The following KIAA1328 variants were observed in gnomAD, a reference collection of about 807,000 sequenced individuals.
KIAA1328 encodes the protein KIAA1328.
Under a neutral mutation model 68.1 loss-of-function variants are expected in KIAA1328, and 52 were observed. That is an observed-to-expected ratio of 0.76 (90% CI 0.61 to 0.96). The LOEUF is 0.96. Ranked by LOEUF, KIAA1328 falls within the 40% of genes least tolerant of loss-of-function variation. KIAA1328 has a pLI of 0.00. For missense variants in KIAA1328, 641 were observed against 677.6 expected (o/e 0.95, Z 0.60); for synonymous variants, 232 against 239.4 (o/e 0.97, Z 0.28).
chr18:36,914,012 A>C (rs2049581096), intron 5 of KIAA1328, among the ~76,000 whole-genome samples: 1 of 152,312 alleles, frequency 6.6e-6, no homozygotes, highest in East Asian at 1.9e-4. Context: ...GGATGCTGTC[A>C]TGTGGTAATC....
intron 6 of KIAA1328, among the ~76,000 whole-genome samples, chr18:37,031,498 T>G (rs1385705704): frequency 6.6e-6 from 1 of 152,202 alleles, no homozygotes; most frequent in Non-Finnish European, 1.5e-5. Context: ...TTTTTTATAA[T>G]TAGTATTTGT....
At position 37,155,550 on chromosome 18, in the gene KIAA1328, C is replaced by A. The variant is rs536565172; in HGVS notation, c.1233-4650C>A. Among the ~76,000 whole-genome samples, 7 of 152,318 alleles carry A rather than the reference C, an allele frequency of 4.6e-5. No individual in the cohort carries two copies. The South Asian group carries it at 1.5e-3, about 32-fold the overall frequency. On this transcript the variant is annotated intron_variant, in intron 7 of 9. Coordinates refer to ENST00000280020, the MANE Select transcript of KIAA1328 (RefSeq NM_020776.3). ...CCTACTACCGCTTCTCTATTGCAAA[C>A]CTTCATCTCTCACCAGAGCTGTTTC...
intron 6 of KIAA1328, among the ~76,000 whole-genome samples, chr18:37,027,953 T>C (rs1189502984): frequency 6.6e-6 from 1 of 152,014 alleles, no homozygotes; most frequent in African/African-American, 2.4e-5. Context: ...ATTTCTGCAA[T>C]CTACTCATCT....
intron 4 of KIAA1328, among the ~76,000 whole-genome samples, chr18:36,863,264 T>C (rs1046255842): frequency 6.6e-5 from 10 of 151,968 alleles, no homozygotes; most frequent in Middle Eastern, 3.2e-3. Flanking sequence ...TTTTTTTTTT[T>C]CCCCAATTGA....
chr18:37,055,676 A>G (rs992220088), intron 6 of KIAA1328, among the ~76,000 whole-genome samples: 3 of 152,202 alleles, frequency 2.0e-5, no homozygotes, highest in African/African-American at 7.2e-5. Context: ...ATGCTCTGGG[A>G]GATACAACGA....
chr18:37,077,872 A>T (rs1000201360), intron 7 of KIAA1328, among the ~76,000 whole-genome samples: 1 of 151,944 alleles, frequency 6.6e-6, no homozygotes, highest in African/African-American at 2.4e-5. Context: ...ATGGGTAGGA[A>T]GAATCAATAT....
At chr18:36,834,067 T>C (rs1301139455) in intron 1 of KIAA1328, 4 of 467,218 alleles carry the variant, frequency 8.6e-6, no homozygotes, top group Non-Finnish European at 1.3e-5. Context: ...CCAAGATTTT[T>C]ATAAGATGTG....
intron 9 of KIAA1328, among the ~76,000 whole-genome samples, chr18:37,178,549 T>G (rs1189654488): frequency 6.6e-6 from 1 of 152,164 alleles, no homozygotes; most frequent in Non-Finnish European, 1.5e-5. Context: ...AAACATGAAG[T>G]GTAGATATCT....
At chr18:36,946,600 G>A (rs1306149324) in intron 5 of KIAA1328, 1 of 152,136 alleles carries the variant, frequency 6.6e-6, no homozygotes, top group East Asian at 1.9e-4. Flanking sequence ...TCACTGCTAG[G>A]TTATCCTTGG....
rs867412676 is a variant in KIAA1328, at chr18:37,063,627, C to T, written c.577-3263C>T. On this transcript the variant is annotated intron_variant, in intron 6 of 9. Transcript: ENST00000280020. ...CTGCCTATTACACATGCACAGTAAC[C>T]AAGCAGGTAATTGACAGAGCATTGC... 4 of 985,208 alleles carry T rather than the reference C, an allele frequency of 4.1e-6. No homozygotes were observed. The African/African-American group carries it at 5.2e-5, about 13-fold the overall frequency. 61.0% of individuals were successfully genotyped at this position (985,208 alleles called of 1,614,324 possible).
chr18:36,829,529 C>G, intron 1 of KIAA1328: 1 of 976,972 alleles, frequency 1.0e-6, no homozygotes, highest in Non-Finnish European at 1.3e-6. Flanking sequence ...GTCAGAGTGC[C>G]CCCAGGCTGA....
Position 37,224,783 on chromosome 18 carries a change from C to T in KIAA1328, c.*2556C>T. On this transcript the variant is annotated 3_prime_UTR_variant, in exon 10 of 10. Coordinates refer to ENST00000280020, the MANE Select transcript of KIAA1328 (RefSeq NM_020776.3). ...ACACTTCCCAAAGCAAGACTGGACA[C>T]ATGCCGAGGGCGTTGCGGATAGTGC... is the stretch of plus-strand genomic sequence containing the variant. 1.0e-6 allele frequency: 1 copy of T among 985,390 alleles called. No individual in the cohort carries two copies. Among genetic ancestry groups the T allele is most frequent in the Non-Finnish European group, 1.2e-6 (1 of 829,932 alleles). The allele number at this position is 985,390 out of a possible 1,614,324, so 61.0% of individuals were successfully genotyped here. A position where few individuals can be genotyped will look rare whatever the true frequency, so the allele number is the denominator to read the frequency against.
chr18:37,225,388 C>A, downstream of KIAA1328: 1 of 855,552 alleles, frequency 1.2e-6, no homozygotes, highest in Non-Finnish European at 1.4e-6. Context: ...ATCAGTGAGG[C>A]ATAGCTTGAA....
At chr18:37,192,420 G>T (rs1642650236) in intron 9 of KIAA1328, among the ~76,000 whole-genome samples, 2 of 152,114 alleles carry the variant, frequency 1.3e-5, no homozygotes, top group Admixed American at 1.3e-4. Context: ...AGCATAAAAT[G>T]GAATGGATGT....
chr18:37,060,910 G>T (rs148655380), intron 6 of KIAA1328, among the ~76,000 whole-genome samples: 2 of 152,304 alleles, frequency 1.3e-5, no homozygotes, highest in African/African-American at 4.8e-5. Flanking sequence ...GAGGTCAGGA[G>T]ATCGAGACCA....
chr18:36,944,940 T>G (rs979333620), intron 5 of KIAA1328, among the ~76,000 whole-genome samples: 2 of 152,186 alleles, frequency 1.3e-5, no homozygotes, highest in African/African-American at 4.8e-5. Context: ...GAATATAGAT[T>G]AATTTTTTGA....
chr18:36,910,397 GT>G (rs994006963), intron 5 of KIAA1328, among the ~76,000 whole-genome samples: 12 of 152,000 alleles, frequency 7.9e-5, no homozygotes, highest in African/African-American at 2.4e-4. Flanking sequence ...CCCATTTCTT[GT>G]TTTTTTCAGG....
intron 7 of KIAA1328, among the ~76,000 whole-genome samples, chr18:37,150,248 A>G (rs896918307): frequency 3.3e-5 from 5 of 152,170 alleles, no homozygotes; most frequent in South Asian, 2.1e-4. Flanking sequence ...CAGCCTTGGT[A>G]CTATTGATGT....
At chr18:37,171,946 A>G (rs2059507933) in intron 8 of KIAA1328, among the ~76,000 whole-genome samples, 2 of 152,176 alleles carry the variant, frequency 1.3e-5, no homozygotes. Context: ...AATAGTTGAC[A>G]TAAAGAGTAT....
Sources: allele counts gnomAD v4.1 joint callset (sites outside exome capture counted in the v4.1 genomes callset), GRCh38; gene constraint gnomAD v4.1.1; transcripts MANE v1.5; gene names NCBI Gene and HGNC (gene_info 2026-07-23, HGNC 2026-07-21).